NTN4: variants seen among roughly 807,000 people sequenced by gnomAD.
NTN4 encodes the protein netrin 4, also known as netrin-4.
NTN4 carries 32 observed loss-of-function variants against 73.6 expected under a neutral mutation model. The ratio of observed to expected loss-of-function variants is 0.44; its 90% CI spans 0.33 to 0.58. The LOEUF is 0.58. Among genes scored for constraint, NTN4 ranks in the 20% least tolerant of loss-of-function variants. The pLI, the probability that NTN4 is intolerant of heterozygous loss-of-function variation, is 0.04. For synonymous variants in NTN4, 258 were observed against 287.5 expected, an observed-to-expected ratio of 0.90 and a Z score of 1.04; for missense variants, 654 against 798.3, an observed-to-expected ratio of 0.82 and a Z score of 2.18.
At chr12:95,678,270 G>A (rs369071720) in intron 7 of NTN4, among the ~76,000 whole-genome samples, 1 of 149,236 alleles carries the variant, frequency 6.7e-6, no homozygotes, top group Non-Finnish European at 1.5e-5. Flanking sequence ...GGGGTTGATA[G>A]GTGCAGCAAA....
intron 9 of NTN4, among the ~76,000 whole-genome samples, chr12:95,665,050 G>A (rs1299828948): frequency 6.6e-6 from 1 of 151,860 alleles, no homozygotes; most frequent in Admixed American, 6.6e-5. Flanking sequence ...CCATTATCTG[G>A]GTACTAATGG....
At chr12:95,747,147 T>C (rs2078868487) in intron 2 of NTN4, among the ~76,000 whole-genome samples, 1 of 151,820 alleles carries the variant, frequency 6.6e-6, no homozygotes, top group South Asian at 2.1e-4. Flanking sequence ...TAGAAAGGCA[T>C]GAAAAATCAA....
chr12:95,725,173 G>T (rs1205669969), intron 3 of NTN4, among the ~76,000 whole-genome samples: 1 of 152,048 alleles, frequency 6.6e-6, no homozygotes, highest in Non-Finnish European at 1.5e-5. Context: ...ATAACTTCTA[G>T]TAAGCCATTT....
Position 95,753,404 on chromosome 12 carries a change from C to T in NTN4, c.586-15260G>A, listed in dbSNP as rs2673482. On this transcript the variant is annotated intron_variant, in intron 2 of 9. Coordinates refer to ENST00000343702, the MANE Select transcript of NTN4 (RefSeq NM_021229.4). ...CAAATTAGCTTTACTCAACATGTCCCGAGTCAGGAAACTAAAATACCTCTT... is the reference window on the plus strand; with the variant it reads ...CAAATTAGCTTTACTCAACATGTCCTGAGTCAGGAAACTAAAATACCTCTT... Among the ~76,000 whole-genome samples the T allele has an allele frequency of 4.7e-5, 7 of 147,574 alleles. No individual in the cohort carries two copies. In the East Asian group the frequency reaches 7.8e-4, roughly 17 times the overall value.
At chr12:95,702,236 C>T (rs7954971) in intron 5 of NTN4, among the ~76,000 whole-genome samples, 7,708 of 149,318 alleles carry the variant, frequency 0.052, 665 homozygotes, top group African/African-American at 0.18. Flanking sequence ...GCCAAGATTG[C>T]GCCATTGCAC....
At chr12:95,767,435 T>C (rs1028527033) in intron 2 of NTN4, among the ~76,000 whole-genome samples, 3 of 152,182 alleles carry the variant, frequency 2.0e-5, no homozygotes, top group Non-Finnish European at 2.9e-5. Flanking sequence ...TAAACCTCTC[T>C]CACCGAAGAA....
chr12:95,787,715 A>T (rs1305534307), intron 1 of NTN4, among the ~76,000 whole-genome samples: 1 of 152,140 alleles, frequency 6.6e-6, no homozygotes, highest in African/African-American at 2.4e-5. Flanking sequence ...TCAGATGTAA[A>T]ATTCACATCA....
At chr12:95,729,621 G>C (rs1171768134) in intron 3 of NTN4, among the ~76,000 whole-genome samples, 1 of 113,950 alleles carries the variant, frequency 8.8e-6, no homozygotes, top group Non-Finnish European at 1.8e-5. Context: ...TAAAGAGAGA[G>C]AGAGAGAGAG....
In NTN4 at chr12:95,790,518, C is replaced by G. The variant is rs560551269; in HGVS notation, c.-209G>C. On this transcript the variant is annotated 5_prime_UTR_variant, in exon 1 of 10. Coordinates refer to ENST00000343702, the MANE Select transcript of NTN4 (RefSeq NM_021229.4). The surrounding 1 kb of genome is among the most constrained non-coding windows in gnomAD (Gnocchi z 6.5). ...GGGAGGTGGGGTGACCCTCGCGCAC[C>G]GGCCTGGCGGGTCCCGGGCACCTGG... 18 of 388,350 alleles carry G rather than the reference C, an allele frequency of 4.6e-5. No homozygotes were observed. In the East Asian group the frequency reaches 5.5e-4, roughly 12 times the overall value. 24.1% of individuals were successfully genotyped at this position (388,350 alleles called of 1,614,324 possible). A position where few individuals can be genotyped will look rare whatever the true frequency, so the allele number is the denominator to read the frequency against.
At chr12:95,787,819 T>C (rs1047952847) in intron 1 of NTN4, among the ~76,000 whole-genome samples, 1 of 152,250 alleles carries the variant, frequency 6.6e-6, no homozygotes, top group Non-Finnish European at 1.5e-5. Flanking sequence ...GTACTTTGCC[T>C]TATAAATGTT....
chr12:95,680,501 G>A (rs1329854078), intron 7 of NTN4, among the ~76,000 whole-genome samples: 1 of 152,252 alleles, frequency 6.6e-6, no homozygotes, highest in Non-Finnish European at 1.5e-5. Context: ...CTGGCCTGGT[G>A]AAACACCTTC....
Position 95,712,194 on chromosome 12 carries a change from C to T in NTN4, c.991+1018G>A, listed in dbSNP as rs61938131. Among the ~76,000 whole-genome samples, 576 of 152,224 alleles carry T rather than the reference C, an allele frequency of 3.8e-3. 1 individual carries two copies. Among genetic ancestry groups the T allele is most frequent in the Non-Finnish European group, 6.1e-3 (416 of 68,006 alleles). Reference sequence around the variant, plus strand: ...TTTTAAATTGCAAAGAAAAAAATGGCTCATGTTCCCATATTTTAACCTTCC... The same window carrying T: ...TTTTAAATTGCAAAGAAAAAAATGGTTCATGTTCCCATATTTTAACCTTCC... On this transcript the variant is annotated intron_variant, in intron 4 of 9. Coordinates refer to ENST00000343702, the MANE Select transcript of NTN4 (RefSeq NM_021229.4).
chr12:95,779,535 A>G (rs1392798303), intron 2 of NTN4, among the ~76,000 whole-genome samples: 1 of 152,222 alleles, frequency 6.6e-6, no homozygotes, highest in Non-Finnish European at 1.5e-5. Flanking sequence ...GAGCCAAATC[A>G]TGAGTGAACT....
intron 5 of NTN4, among the ~76,000 whole-genome samples, chr12:95,701,382 G>C (rs2468361): frequency 0.094 from 14,230 of 152,078 alleles, 927 homozygotes; most frequent in Non-Finnish European, 0.14. Context: ...GTTTTCCCTT[G>C]TGTTTACAGA....
At chr12:95,739,723 C>T (rs1011218312) in intron 2 of NTN4, among the ~76,000 whole-genome samples, 1 of 152,188 alleles carries the variant, frequency 6.6e-6, no homozygotes, top group Non-Finnish European at 1.5e-5. Flanking sequence ...CCAGTGCTAA[C>T]CAAGTAAGAG....
rs1379427079 is a variant in NTN4, at chr12:95,658,398, T to G, written c.*688A>C. ...ACATATTCTCCTTTCTGGTTGCATC[T>G]TCACCTAGTTTCTCCAAGTATTCAG... On this transcript the variant is annotated 3_prime_UTR_variant, in exon 10 of 10. Coordinates refer to ENST00000343702, the MANE Select transcript of NTN4 (RefSeq NM_021229.4). 3 of 152,472 alleles carry G rather than the reference T, an allele frequency of 2.0e-5. No homozygotes were observed. The highest frequency in any genetic ancestry group is 2.9e-5 in the Non-Finnish European group (2 of 68,036). The allele number at this position is 152,472 out of a possible 1,614,324, so 9.4% of individuals were successfully genotyped here.
intron 2 of NTN4, among the ~76,000 whole-genome samples, chr12:95,742,388 T>C (rs1037073171): frequency 1.1e-4 from 17 of 150,876 alleles, no homozygotes; most frequent in African/African-American, 4.1e-4. Context: ...AAGCATGCTA[T>C]ATGTCTTATT....
At chr12:95,693,746 A>G (rs372396543) in intron 5 of NTN4, among the ~76,000 whole-genome samples, 4,816 of 151,604 alleles carry the variant, frequency 0.032, 271 homozygotes, top group African/African-American at 0.11. Flanking sequence ...AAAAAAAAAA[A>G]AAAAAGAAAA....
intron 2 of NTN4, among the ~76,000 whole-genome samples, chr12:95,751,457 T>C (rs1266083719): frequency 2.0e-5 from 3 of 151,906 alleles, no homozygotes; most frequent in African/African-American, 4.8e-5. Flanking sequence ...CTACATATGC[T>C]GGAAATCTGG....
Sources: allele counts gnomAD v4.1 joint callset (sites outside exome capture counted in the v4.1 genomes callset), GRCh38; gene constraint gnomAD v4.1.1; non-coding constraint Gnocchi (gnomAD v3.1); transcripts MANE v1.5; gene names NCBI Gene and HGNC (gene_info 2026-07-23, HGNC 2026-07-21).